Variants in VWA2 observed in about 807,000 individuals in gnomAD.
The protein encoded by VWA2 is von Willebrand factor A domain containing 2, also known as von Willebrand factor A domain-containing protein 2.
In VWA2, 73 loss-of-function variants were observed where a neutral mutation model predicts 70.4. The ratio of observed to expected loss-of-function variants is 1.04; its 90% CI spans 0.86 to 1.26. VWA2 has a LOEUF of 1.26. Among genes scored for constraint, VWA2 ranks in the 50% most tolerant of loss-of-function variants. The pLI is 0.00. For synonymous variants in VWA2, 407 were observed against 423.3 expected (o/e 0.96, Z 0.47); for missense variants, 1,011 against 998.5 (o/e 1.01, Z -0.17).
At position 114,285,968 on chromosome 10, in the gene VWA2, G is replaced by T; in HGVS notation, c.1027G>T (p.Asp343Tyr). The T allele has an allele frequency of 6.2e-7, 1 of 1,607,940 alleles. No homozygotes were observed. Among genetic ancestry groups the T allele is most frequent in the South Asian group, 1.1e-5 (1 of 90,482 alleles). Residue 343 changes from aspartate to tyrosine, a missense_variant, in exon 11 of 14, where the codon GAC becomes TAC. By Grantham distance (160) the Asp-to-Tyr change is radical. Transcript: ENST00000392982. ...GAAGCTGAGCCTGGAATGCAGGGTCGACCTCCTCTTCCTGCTGGACAGCTC... is the reference window on the plus strand; with the variant it reads ...GAAGCTGAGCCTGGAATGCAGGGTCTACCTCCTCTTCCTGCTGGACAGCTC... ...ALKLSLECRVDLLFLLDSSAG... is the reference protein window; with the variant it reads ...ALKLSLECRVYLLFLLDSSAG...
At position 114,278,775 on chromosome 10, in the gene VWA2, T is replaced by A. The variant is rs1323980056; in HGVS notation, c.757T>A (p.Phe253Ile). 6.2e-7 allele frequency: 1 copy of A among 1,613,576 alleles called. No individual in the cohort carries two copies. The highest frequency in any genetic ancestry group is 8.5e-7 in the Non-Finnish European group (1 of 1,180,006). ...EHRTLEMVRE[F>I]AGNAPCWRGS... Reference sequence around the variant, plus strand: ...CAGGACGCTGGAGATGGTCCGGGAGTTCGCTGGCAATGCCCCATGCTGGAG... The same window carrying A: ...CAGGACGCTGGAGATGGTCCGGGAGATCGCTGGCAATGCCCCATGCTGGAG... Residue 253 changes from phenylalanine (F) to isoleucine (I), a missense_variant, in exon 8 of 14, where the codon TTC becomes ATC. Coordinates refer to ENST00000392982, the MANE Select transcript of VWA2 (RefSeq NM_001272046.2).
chr10:114,292,601 T>A lies in VWA2; in HGVS notation c.*1364T>A, dbSNP rs1441065899. On this transcript the variant is annotated 3_prime_UTR_variant, in exon 14 of 14. Transcript: ENST00000392982. The stretch of plus-strand genomic sequence containing the variant: ...GGCAAACTAGATACTTACTTCCCTA[T>A]CGCTGCAGTATTTAGGAATTACTTC... 1.3e-5 allele frequency among the ~76,000 whole-genome samples: 2 copies of A among 150,990 alleles called. No individual in the cohort carries two copies. Among genetic ancestry groups the A allele is most frequent in the Non-Finnish European group, 2.9e-5 (2 of 67,924 alleles).
chr10:114,245,166 G>A (rs951932185), intron 1 of VWA2, among the ~76,000 whole-genome samples: 1 of 152,222 alleles, frequency 6.6e-6, no homozygotes, highest in African/African-American at 2.4e-5. Context: ...GTGTGCATTT[G>A]CAGATTGCCA....
intron 1 of VWA2, among the ~76,000 whole-genome samples, chr10:114,246,868 A>G (rs1210176968): frequency 1.3e-5 from 2 of 152,056 alleles, no homozygotes; most frequent in African/African-American, 4.8e-5. Context: ...CAATGCCTGA[A>G]CCTCCCTATT....
chr10:114,268,376 AGAGC>A (rs2037620679), intron 5 of VWA2, among the ~76,000 whole-genome samples: 1 of 152,076 alleles, frequency 6.6e-6, no homozygotes, highest in South Asian at 2.1e-4. Context: ...CTCTGGCCTC[AGAGC>A]CCCCTGTCTG....
At chr10:114,278,882 G>A (rs1261264603) in intron 8 of VWA2, 31 bp downstream of exon 8, 9 of 1,610,532 alleles carry the variant, frequency 5.6e-6, no homozygotes, top group Non-Finnish European at 6.8e-6. Context: ...CTCGGCCTGG[G>A]TGGAGATGAA....
chr10:114,285,088 T>C, intron 10 of VWA2, 118 bp downstream of exon 10: 1 of 726,946 alleles, frequency 1.4e-6, no homozygotes, highest in Non-Finnish European at 2.1e-6. Flanking sequence ...AACCATCTGC[T>C]TTCCAATGCA....
intron 5 of VWA2, among the ~76,000 whole-genome samples, chr10:114,264,298 A>T (rs2037512535): frequency 6.6e-6 from 1 of 152,282 alleles, no homozygotes; most frequent in Non-Finnish European, 1.5e-5. Flanking sequence ...ACAATGGAAT[A>T]CTATTCAACT....
At chr10:114,283,747 T>C (rs539766442) in intron 9 of VWA2, among the ~76,000 whole-genome samples, 1 of 152,354 alleles carries the variant, frequency 6.6e-6, no homozygotes, top group East Asian at 1.9e-4. Context: ...TGGCACATAA[T>C]AGATGCTCAG....
At chr10:114,278,989 C>T (rs1002923709) in intron 8 of VWA2, 138 bp downstream of exon 8, 21 of 1,343,948 alleles carry the variant, frequency 1.6e-5, no homozygotes, top group Non-Finnish European at 2.0e-5. Context: ...GAGCCAGGGA[C>T]GTAGCCATGG....
chr10:114,262,282 C>T (rs921413110), intron 5 of VWA2, among the ~76,000 whole-genome samples: 1 of 150,306 alleles, frequency 6.7e-6, no homozygotes, highest in Non-Finnish European at 1.5e-5. Flanking sequence ...TGTTTTTATA[C>T]ACTTATATTT....
At chr10:114,259,478 T>C (rs1415153286) in intron 4 of VWA2, among the ~76,000 whole-genome samples, 1 of 152,136 alleles carries the variant, frequency 6.6e-6, no homozygotes, top group Non-Finnish European at 1.5e-5. Context: ...AGTTGTTTTT[T>C]TTTTTTCATG....
intron 1 of VWA2, among the ~76,000 whole-genome samples, chr10:114,244,655 T>G (rs2037033019): frequency 6.6e-6 from 1 of 152,106 alleles, no homozygotes; most frequent in Admixed American, 6.5e-5. Context: ...TTTCCAGGTG[T>G]AGGGCTGTAT....
Position 114,291,235 on chromosome 10 carries a change from TGAGG to T in VWA2, c.2267_*2del. 6.5e-7 allele frequency: 1 copy of T among 1,550,360 alleles called. No individual in the cohort carries two copies. The highest frequency in any genetic ancestry group is 1.2e-5 in the South Asian group (1 of 84,032). ...TTCCCCAGGATTCTTGAGACGCCCCTGAGGCACATGGCTCCCGTGCAGGAGGGCA... is the reference window on the plus strand; with the variant it reads ...TTCCCCAGGATTCTTGAGACGCCCCTCACATGGCTCCCGTGCAGGAGGGCA... On this transcript the variant is annotated stop_lost and 3_prime_UTR_variant, in exon 14 of 14. Transcript: ENST00000392982.
At chr10:114,241,613 C>T (rs757919769) in intron 1 of VWA2, among the ~76,000 whole-genome samples, 7 of 152,150 alleles carry the variant, frequency 4.6e-5, no homozygotes, top group Non-Finnish European at 7.3e-5. Flanking sequence ...TTAATAACTC[C>T]CCTGATGTGT....
chr10:114,266,128 T>G (rs1471450777), intron 5 of VWA2, among the ~76,000 whole-genome samples: 1 of 152,044 alleles, frequency 6.6e-6, no homozygotes, highest in Admixed American at 6.5e-5. Flanking sequence ...AAACCCCATC[T>G]CTACTAAAAA....
At chr10:114,284,711 C>T (rs1358135996) in intron 9 of VWA2, 152 bp from the exon 10 acceptor site, 3 of 708,596 alleles carry the variant, frequency 4.2e-6, no homozygotes, top group Non-Finnish European at 6.9e-6. Flanking sequence ...GTGCTTTCCC[C>T]TCTCTGCTGC....
intron 1 of VWA2, among the ~76,000 whole-genome samples, chr10:114,245,701 C>T (rs1274134410): frequency 2.0e-5 from 3 of 152,156 alleles, no homozygotes; most frequent in Admixed American, 6.5e-5. Flanking sequence ...AGGCCAGTAT[C>T]CTTCTCACCA....
At chr10:114,264,473 G>A (rs979844956) in intron 5 of VWA2, among the ~76,000 whole-genome samples, 18 of 151,154 alleles carry the variant, frequency 1.2e-4, no homozygotes, top group Non-Finnish European at 2.5e-4. Flanking sequence ...GCTGGAGTGC[G>A]GTGGTGCTAT....
Sources: allele counts gnomAD v4.1 joint callset (sites outside exome capture counted in the v4.1 genomes callset), GRCh38; gene constraint gnomAD v4.1.1; transcripts MANE v1.5; gene names NCBI Gene and HGNC (gene_info 2026-07-23, HGNC 2026-07-21).